CAMSAP2: variants seen among roughly 807,000 people sequenced by gnomAD.
CAMSAP2 encodes the protein calmodulin-regulated spectrin-associated protein 2.
In CAMSAP2, 26 loss-of-function variants were observed where a neutral mutation model predicts 146.1. The ratio of observed to expected loss-of-function variants is 0.18; its 90% CI spans 0.13 to 0.25. The LOEUF is 0.25. Ranked by LOEUF, CAMSAP2 falls within the 10% of genes least tolerant of loss-of-function variation. The probability of loss-of-function intolerance (pLI) is 1.00; values close to 1 mark genes in which losing one functional copy is unlikely to be tolerated. For synonymous variants in CAMSAP2, 499 were observed against 596.6 expected (o/e 0.84, Z 2.38); for missense variants, 1,381 against 1,759.3 (o/e 0.78, Z 3.85).
At position 200,738,944 on chromosome 1, in the gene CAMSAP2, G is replaced by GCGGCGGCGA. The variant is rs1395873790; in HGVS notation, c.-876_-875insACGGCGGCG. Among the ~76,000 whole-genome samples, 3 of 152,148 alleles carry GCGGCGGCGA rather than the reference G, an allele frequency of 2.0e-5. No individual in the cohort carries two copies. Among genetic ancestry groups the GCGGCGGCGA allele is most frequent in the Non-Finnish European group, 4.4e-5 (3 of 68,004 alleles). ...GTGCCGCAGCCGGAAAACCGCAGCG[G>GCGGCGGCGA]CGGCGGCGGCGGCTGAGGGGGAACG... is the stretch of plus-strand genomic sequence containing the variant. On this transcript the variant is annotated 5_prime_UTR_variant, in exon 1 of 17. Coordinates refer to ENST00000358823, the MANE Select transcript of CAMSAP2 (RefSeq NM_203459.4).
intron 2 of CAMSAP2, among the ~76,000 whole-genome samples, chr1:200,790,926 CCTCCGCCT>C (rs1433443224): frequency 6.6e-6 from 1 of 152,046 alleles, no homozygotes; most frequent in African/African-American, 2.4e-5. Flanking sequence ...CTCACTGTAA[CCTCCGCCT>C]CTCAGGTTCA....
rs1667795708 is a variant in CAMSAP2, at chr1:200,858,226, C to T, written c.*167C>T. On this transcript the variant is annotated 3_prime_UTR_variant, in exon 17 of 17. Coordinates refer to ENST00000358823, the MANE Select transcript of CAMSAP2 (RefSeq NM_203459.4). The stretch of plus-strand genomic sequence containing the variant: ...ATGTAAACCACAGTATTTTGGAGTG[C>T]AGAACATTCTCAATTAAGTGATAAG... 2 of 543,572 alleles carry T rather than the reference C, an allele frequency of 3.7e-6. No homozygotes were observed. Among genetic ancestry groups the T allele is most frequent in the African/African-American group, 1.9e-5 (1 of 51,760 alleles). 33.7% of individuals were successfully genotyped at this position (543,572 alleles called of 1,614,324 possible).
intron 2 of CAMSAP2, among the ~76,000 whole-genome samples, chr1:200,800,534 C>T (rs1345657888): frequency 6.6e-6 from 1 of 151,988 alleles, no homozygotes; most frequent in African/African-American, 2.4e-5. Flanking sequence ...CTTCCTCCAT[C>T]CCTTTATTTT....
chr1:200,776,668 G>A (rs1665288196), intron 2 of CAMSAP2, among the ~76,000 whole-genome samples: 1 of 152,080 alleles, frequency 6.6e-6, no homozygotes, highest in Admixed American at 6.6e-5. Context: ...AGGTTGCAGT[G>A]AGCCGAGATT....
chr1:200,788,651 T>C (rs1350019438), intron 2 of CAMSAP2, among the ~76,000 whole-genome samples: 2 of 150,930 alleles, frequency 1.3e-5, no homozygotes, highest in African/African-American at 2.4e-5. Flanking sequence ...TTCTTTTTTT[T>C]TTTTTTTGAG....
chr1:200,830,684 A>G (rs1667020232), intron 4 of CAMSAP2, among the ~76,000 whole-genome samples: 1 of 152,210 alleles, frequency 6.6e-6, no homozygotes, highest in African/African-American at 2.4e-5. Flanking sequence ...TCTTAGCTGC[A>G]AAGTGAGGAA....
At chr1:200,785,247 T>G (rs1420809452) in intron 2 of CAMSAP2, among the ~76,000 whole-genome samples, 1 of 152,228 alleles carries the variant, frequency 6.6e-6, no homozygotes, top group Non-Finnish European at 1.5e-5. Context: ...GGTAATACTG[T>G]TTTTATATAA....
rs1192722635 is a variant in CAMSAP2 at position 200,814,155 on chromosome 1, G to T, written c.562-1406G>T. On this transcript the variant is annotated intron_variant, in intron 3 of 16. Coordinates refer to ENST00000358823, the MANE Select transcript of CAMSAP2 (RefSeq NM_203459.4). ...GCGGGGGGAGGGGTGGGCGGGTGGG[G>T]AATGAAAATACTACAAAACAAACAA... Among the ~76,000 whole-genome samples, 342 of 84,838 alleles carry T rather than the reference G, an allele frequency of 4.0e-3. 3 individuals carry two copies. The highest frequency in any genetic ancestry group is 0.014 in the African/African-American group (308 of 21,730). 55.7% of individuals were successfully genotyped at this position (84,838 alleles called of 152,430 possible). A position where few individuals can be genotyped will look rare whatever the true frequency, so the allele number is the denominator to read the frequency against.
At chr1:200,787,958 T>C (rs1369874667) in intron 2 of CAMSAP2, among the ~76,000 whole-genome samples, 1 of 152,204 alleles carries the variant, frequency 6.6e-6, no homozygotes, top group Non-Finnish European at 1.5e-5. Context: ...ACATTGGTTT[T>C]TTAGACATAA....
chr1:200,811,343 A>G (rs1194686337), intron 3 of CAMSAP2, among the ~76,000 whole-genome samples: 1 of 152,126 alleles, frequency 6.6e-6, no homozygotes, highest in African/African-American at 2.4e-5. Flanking sequence ...AGGGAAGTTT[A>G]TATGCAGATT....
intron 1 of CAMSAP2, among the ~76,000 whole-genome samples, chr1:200,742,261 A>C (rs142918754): frequency 1.1e-3 from 171 of 152,306 alleles, no homozygotes; most frequent in African/African-American, 4.0e-3. Flanking sequence ...GTACATATTG[A>C]AGTCTAATTT....
chr1:200,757,699 T>G (rs1333345721), intron 1 of CAMSAP2, among the ~76,000 whole-genome samples: 1 of 152,226 alleles, frequency 6.6e-6, no homozygotes, highest in Non-Finnish European at 1.5e-5. Flanking sequence ...TTAAGTATAT[T>G]TAGCTCTTGA....
chr1:200,818,029 CTT>C (rs1666653480), intron 4 of CAMSAP2, among the ~76,000 whole-genome samples: 1 of 152,112 alleles, frequency 6.6e-6, no homozygotes. Flanking sequence ...GGAGCTGAAA[CTT>C]TTGCCTTGGA....
At chr1:200,804,559 T>C (rs1666124051) in intron 2 of CAMSAP2, among the ~76,000 whole-genome samples, 2 of 152,120 alleles carry the variant, frequency 1.3e-5, no homozygotes, top group Admixed American at 6.5e-5. Context: ...CACATTTTAA[T>C]CCAAAAATGC....
intron 3 of CAMSAP2, among the ~76,000 whole-genome samples, chr1:200,813,339 CA>C (rs1666386280): frequency 6.6e-6 from 1 of 152,226 alleles, no homozygotes; most frequent in African/African-American, 2.4e-5. Context: ...GATTAAGTTT[CA>C]AATATGAACT....
chr1:200,767,685 A>G (rs1664994188), intron 2 of CAMSAP2, among the ~76,000 whole-genome samples: 1 of 152,210 alleles, frequency 6.6e-6, no homozygotes, highest in African/African-American at 2.4e-5. Flanking sequence ...TCACCCTTGT[A>G]TATGAGTGGC....
chr1:200,832,493 T>A lies in CAMSAP2; in HGVS notation c.787+152T>A, dbSNP rs1874080. On this transcript the variant is annotated intron_variant, in intron 5 of 16. Coordinates refer to ENST00000358823, the MANE Select transcript of CAMSAP2 (RefSeq NM_203459.4). This position sits in a 1 kb window ranked among gnomAD's most constrained non-coding sequence, Gnocchi z 4.2. The stretch of plus-strand genomic sequence containing the variant: ...TTAATAAGTACTGAAGACTTTTTTT[T>A]AAAAATAAAGAACATTTATATATAA... The A allele has an allele frequency of 0.34, 277,493 of 819,388 alleles. 51,554 individuals carry two copies. Among genetic ancestry groups the A allele is most frequent in the Non-Finnish European group, 0.38 (217,231 of 569,808 alleles). 50.8% of individuals were successfully genotyped at this position (819,388 alleles called of 1,614,324 possible).
intron 2 of CAMSAP2, among the ~76,000 whole-genome samples, chr1:200,807,020 A>G (rs998177480): frequency 6.6e-6 from 1 of 152,202 alleles, no homozygotes; most frequent in African/African-American, 2.4e-5. Context: ...AACTTGTACT[A>G]TGTGGGTGAG....
intron 2 of CAMSAP2, among the ~76,000 whole-genome samples, chr1:200,806,052 A>G (rs535520539): frequency 4.5e-4 from 69 of 152,296 alleles, no homozygotes; most frequent in Non-Finnish European, 9.3e-4. Flanking sequence ...GACCTTTATA[A>G]ACATGTTATC....
Sources: gnomAD v4.1 joint callset for allele counts (sites outside exome capture counted in the v4.1 genomes callset) on GRCh38, gnomAD v4.1.1 for gene constraint, Gnocchi (gnomAD v3.1) non-coding constraint, MANE v1.5 for transcripts, NCBI Gene and HGNC (gene_info 2026-07-23, HGNC 2026-07-21) for gene names.